Variants in EYS observed in about 807,000 individuals in gnomAD.
EYS encodes the protein protein eyes shut homolog.
EYS carries 250 observed loss-of-function variants against 282.1 expected under a neutral mutation model. That is an observed-to-expected ratio of 0.89 (90% CI 0.80 to 0.98). EYS has a LOEUF of 0.98. Among genes scored for constraint, EYS ranks in the 50% least tolerant of loss-of-function variants. The probability of loss-of-function intolerance (pLI) is 0.00; values close to 1 mark genes in which losing one functional copy is unlikely to be tolerated. For synonymous variants in EYS, 1,355 were observed against 1,282.9 expected (o/e 1.06, Z -1.20); for missense variants, 4,016 against 3,709.0 (o/e 1.08, Z -2.15).
At chr6:64,523,554 C>T (rs189826227) in intron 26 of EYS, among the ~76,000 whole-genome samples, 21 of 151,910 alleles carry the variant, frequency 1.4e-4, no homozygotes, top group Admixed American at 9.9e-4. Flanking sequence ...GAAGACACAA[C>T]ACCCATGTGG....
intron 31 of EYS, among the ~76,000 whole-genome samples, chr6:64,174,838 A>C (rs754545706): frequency 5.5e-4 from 83 of 152,142 alleles, no homozygotes; most frequent in Non-Finnish European, 9.6e-4. Context: ...GGATAAAACC[A>C]CTTAAGAAAA....
intron 8 of EYS, among the ~76,000 whole-genome samples, chr6:65,363,659 G>A (rs1042891568): frequency 4.0e-5 from 6 of 151,524 alleles, no homozygotes; most frequent in Non-Finnish European, 8.8e-5. Context: ...GATAATTGAC[G>A]ATTTAACTCT....
chr6:65,002,232 G>A (rs995960250), intron 13 of EYS, among the ~76,000 whole-genome samples: 2 of 147,374 alleles, frequency 1.4e-5, no homozygotes, highest in Admixed American at 6.8e-5. Flanking sequence ...CCAGACACCT[G>A]TGGGTTTGAG....
At chr6:64,999,621 C>T (rs6908095) in intron 13 of EYS, among the ~76,000 whole-genome samples, 2,162 of 152,258 alleles carry the variant, frequency 0.014, 47 homozygotes, top group African/African-American at 0.05. Flanking sequence ...ATAAAAACCC[C>T]GGAGACCCTA....
chr6:64,670,437 A>T (rs1278088147), intron 22 of EYS, among the ~76,000 whole-genome samples: 1 of 141,800 alleles, frequency 7.1e-6, no homozygotes, highest in African/African-American at 2.5e-5. Flanking sequence ...AAATAAATAA[A>T]TAAATAAATG....
At chr6:64,069,327 G>A (rs902056941) in intron 32 of EYS, among the ~76,000 whole-genome samples, 2 of 151,802 alleles carry the variant, frequency 1.3e-5, no homozygotes, top group African/African-American at 2.4e-5. Flanking sequence ...TTCTTATGAT[G>A]TAAATATTGA....
chr6:63,770,354 CAG>C (rs1769900094), intron 40 of EYS, among the ~76,000 whole-genome samples: 1 of 151,936 alleles, frequency 6.6e-6, no homozygotes, highest in Non-Finnish European at 1.5e-5. Context: ...GAGATAAGAA[CAG>C]AGAATGAAAG....
intron 35 of EYS, among the ~76,000 whole-genome samples, chr6:63,925,388 AT>A (rs1764687385): frequency 1.3e-5 from 2 of 152,194 alleles, no homozygotes; most frequent in South Asian, 4.1e-4. Flanking sequence ...GTAGTAGAAA[AT>A]TTTGAGCATT....
intron 2 of EYS, among the ~76,000 whole-genome samples, chr6:65,594,891 GT>G (rs1469159812): frequency 6.6e-6 from 1 of 152,096 alleles, no homozygotes; most frequent in Non-Finnish European, 1.5e-5. Flanking sequence ...TGGCTAGCCA[GT>G]TTTCCCAGCA....
chr6:64,221,185 A>G (rs1284434214), intron 31 of EYS, among the ~76,000 whole-genome samples: 1 of 152,122 alleles, frequency 6.6e-6, no homozygotes, highest in African/African-American at 2.4e-5. Context: ...CCTATTTCTT[A>G]GTTACTACAT....
intron 24 of EYS, among the ~76,000 whole-genome samples, chr6:64,595,209 G>C (rs540940793): frequency 4.5e-4 from 68 of 152,244 alleles, no homozygotes; most frequent in African/African-American, 1.5e-3. Context: ...TATCTCAATA[G>C]ATGCAGAAAT....
chr6:64,622,939 C>T lies in EYS; in HGVS notation c.3568+3182G>A, dbSNP rs550075350. ...TTTTTCTATGGCATTTAGGAGAAAG[C>T]AAATTGCTGTGAATTACTCAGAAGA... On this transcript the variant is annotated intron_variant, in intron 23 of 42. Coordinates refer to ENST00000503581, the MANE Select transcript of EYS (RefSeq NM_001142800.2). 2.0e-5 allele frequency among the ~76,000 whole-genome samples: 3 copies of T among 152,188 alleles called. No homozygotes were observed. The South Asian group carries it at 6.2e-4, about 32-fold the overall frequency.
rs933169926 is a variant in EYS at position 63,721,425 on chromosome 6, G to A, written c.8606C>T (p.Ser2869Leu). Reference sequence around the variant, plus strand: ...TGTCCCATCACAGTCACCTACATTTGAGCCACCTTTTGCTCCAAATTCAGT... The same window carrying A: ...TGTCCCATCACAGTCACCTACATTTAAGCCACCTTTTGCTCCAAATTCAGT... ...QLTEFGAKGGSNVGDCDGTAC... is the reference protein window; with the variant it reads ...QLTEFGAKGGLNVGDCDGTAC... Residue 2869 changes from serine to leucine, a missense_variant, in exon 43 of 43, where the codon TCA becomes TTA. Ser to Leu is a moderately radical substitution (Grantham distance 145). Transcript: ENST00000503581. 6.4e-7 allele frequency: 1 copy of A among 1,551,508 alleles called. No homozygotes were observed. The highest frequency in any genetic ancestry group is 2.4e-5 in the East Asian group (1 of 40,928).
chr6:64,283,371 AT>A (rs1189901382), intron 30 of EYS, among the ~76,000 whole-genome samples: 1 of 152,174 alleles, frequency 6.6e-6, no homozygotes, highest in Non-Finnish European at 1.5e-5. Context: ...TTATTAATTT[AT>A]TAGTTTGTAG....
At chr6:63,741,525 A>T (rs538151225) in intron 41 of EYS, among the ~76,000 whole-genome samples, 6 of 152,200 alleles carry the variant, frequency 3.9e-5, no homozygotes, top group Non-Finnish European at 7.4e-5. Flanking sequence ...GAGAGCACAG[A>T]CTGGCATAAT....
chr6:64,911,412 A>G (rs375045268), intron 16 of EYS, among the ~76,000 whole-genome samples: 71 of 152,282 alleles, frequency 4.7e-4, no homozygotes, highest in African/African-American at 1.4e-3. Flanking sequence ...TGTCACGTAT[A>G]CAGGTTCAAG....
rs368262980 is a variant in EYS at position 64,021,369 on chromosome 6, G to A, written c.6726-22186C>T. Among the ~76,000 whole-genome samples, 39 of 151,684 alleles carry A rather than the reference G, an allele frequency of 2.6e-4. No homozygotes were observed. The South Asian group carries it at 6.9e-3, about 27-fold the overall frequency. ...TACATTTGACAATGCCTAGATACAT[G>A]TTTCTTTATCACAACAGGGAATGAG... On this transcript the variant is annotated intron_variant, in intron 33 of 42. Transcript: ENST00000503581.
At position 63,906,898 on chromosome 6, in the gene EYS, GA is replaced by G. The variant is rs926677585; in HGVS notation, c.7056-42541del. On this transcript the variant is annotated intron_variant, in intron 35 of 42. Transcript: ENST00000503581. ...GAAATATCTTGGATGGGTCAGTTAA[GA>G]AAAAAAAAACCTAAAAAAAGGACCT... 4.5e-3 allele frequency among the ~76,000 whole-genome samples: 646 copies of G among 144,532 alleles called. 3 individuals carry two copies. The highest frequency in any genetic ancestry group is 0.014 in the African/African-American group (562 of 39,548). The allele number at this position is 144,532 out of a possible 152,430, so 94.8% of individuals were successfully genotyped here.
chr6:65,006,503 CAA>C (rs59057058), intron 13 of EYS, among the ~76,000 whole-genome samples: 37 of 83,308 alleles, frequency 4.4e-4, no homozygotes, highest in African/African-American at 1.7e-3. Flanking sequence ...TATTCTAAGT[CAA>C]AAAAAAAAAA....
Sources: gnomAD v4.1 joint callset for allele counts (sites outside exome capture counted in the v4.1 genomes callset) on GRCh38, gnomAD v4.1.1 for gene constraint, MANE v1.5 for transcripts, NCBI Gene and HGNC (gene_info 2026-07-23, HGNC 2026-07-21) for gene names.